Variants in ADRA1A observed in about 807,000 individuals in gnomAD.
The protein encoded by ADRA1A is alpha-1A adrenergic receptor.
Under a neutral mutation model 29.6 loss-of-function variants are expected in ADRA1A, and 31 were observed. That is an observed-to-expected ratio of 1.05 (90% CI 0.79 to 1.41). The LOEUF is 1.41. Among genes scored for constraint, ADRA1A ranks in the 40% most tolerant of loss-of-function variants. ADRA1A has a pLI of 0.00. For missense variants in ADRA1A, 619 were observed against 601.1 expected, an observed-to-expected ratio of 1.03 and a Z score of -0.31; for synonymous variants, 311 against 254.3, an observed-to-expected ratio of 1.22 and a Z score of -2.12.
At chr8:26,862,933 A>C (rs1220651001) in intron 2 of ADRA1A, among the ~76,000 whole-genome samples, 1 of 152,234 alleles carries the variant, frequency 6.6e-6, no homozygotes, top group Non-Finnish European at 1.5e-5. Flanking sequence ...TTGTGATTGC[A>C]GGATAATTGT....
At chr8:26,750,353 C>T (rs1467482255) in intron 2 of ADRA1A, among the ~76,000 whole-genome samples, 1 of 152,156 alleles carries the variant, frequency 6.6e-6, no homozygotes, top group East Asian at 1.9e-4. Context: ...AGACATGTGC[C>T]ACCATGCCCA....
chr8:26,816,265 G>T (rs775801293), intron 2 of ADRA1A, among the ~76,000 whole-genome samples: 1 of 152,188 alleles, frequency 6.6e-6, no homozygotes, highest in East Asian at 1.9e-4. Context: ...ACTGAAACTG[G>T]GGAAGGGCAT....
Position 26,825,661 on chromosome 8 carries a change from T to C in ADRA1A, c.883+38426A>G, listed in dbSNP as rs1196953586. Among the ~76,000 whole-genome samples, 12 of 152,232 alleles carry C rather than the reference T, an allele frequency of 7.9e-5. No homozygotes were observed. On this transcript the variant is annotated intron_variant, in intron 2 of 2. Transcript: ENST00000380573. The surrounding 1 kb of genome is among the most constrained non-coding windows in gnomAD (Gnocchi z 5.7). ...TATGTCAGCCTTCACAGAGCAACTG[T>C]CATTCTTTAGGAAAAATCAAAATTT...
At chr8:26,772,261 C>T (rs1179343632) in intron 2 of ADRA1A, 1 of 152,146 alleles carries the variant, frequency 6.6e-6, no homozygotes, top group African/African-American at 2.4e-5. Context: ...ATGGGACTCC[C>T]AATCCAATGT....
chr8:26,854,924 G>T (rs1301764760), intron 2 of ADRA1A, among the ~76,000 whole-genome samples: 1 of 152,126 alleles, frequency 6.6e-6, no homozygotes, highest in African/African-American at 2.4e-5. Flanking sequence ...CCAGGGAGCT[G>T]CCTCACTCCT....
intron 2 of ADRA1A, among the ~76,000 whole-genome samples, chr8:26,781,630 G>A (rs1195161284): frequency 6.6e-6 from 1 of 152,202 alleles, no homozygotes; most frequent in African/African-American, 2.4e-5. Context: ...CTAAGTTGCA[G>A]GCACTTCATA....
chr8:26,853,132 A>G (rs893426749), intron 2 of ADRA1A, among the ~76,000 whole-genome samples: 4 of 152,204 alleles, frequency 2.6e-5, no homozygotes, highest in African/African-American at 7.2e-5. Context: ...AAAAATGCAA[A>G]CAAATTAAAA....
In ADRA1A at chr8:26,864,239, C is replaced by T. The variant is rs765293217; in HGVS notation, c.731G>A (p.Gly244Glu). 16 of 1,614,098 alleles carry T rather than the reference C, an allele frequency of 9.9e-6. No individual in the cohort carries two copies. The highest frequency in any genetic ancestry group is 1.3e-5 in the African/African-American group (1 of 74,952). ...CTTGGCGCTGGCCATCCCGCTGCCT[C>T]CTGCCGGGGCGTTTTTCCGATGGAT... ...LRIHRKNAPA[G>E]GSGMASAKTK... Residue 244 changes from glycine to glutamate, a missense_variant, in exon 2 of 3, where the codon GGA (glycine) becomes GAA (glutamate). Coordinates refer to ENST00000380573, the MANE Select transcript of ADRA1A (RefSeq NM_000680.4). The surrounding 1 kb of genome is among the most constrained non-coding windows in gnomAD (Gnocchi z 8.1).
Position 26,770,297 on chromosome 8 carries a change from G to T in ADRA1A, c.1253C>A (p.Ser418Tyr). ...ARITVSKDQS[S>Y]CTTARVRSKS... is the part of the protein sequence containing the mutation. ...ACTTCTCACCCGGGCTGTGGTACAG[G>T]AGGATTGGTCTTTGGACACTGTAAT... Residue 418 changes from serine to tyrosine, a missense_variant, in exon 3 of 3, where the codon TCC becomes TAC. Coordinates refer to ENST00000380573, the MANE Select transcript of ADRA1A (RefSeq NM_000680.4). The T allele has an allele frequency of 6.2e-7, 1 of 1,614,220 alleles. No individual in the cohort carries two copies. The highest frequency in any genetic ancestry group is 8.5e-7 in the Non-Finnish European group (1 of 1,180,040).
downstream of ADRA1A, among the ~76,000 whole-genome samples, chr8:26,761,081 G>A (rs994892437): frequency 6.6e-6 from 1 of 152,200 alleles, no homozygotes; most frequent in Non-Finnish European, 1.5e-5. Flanking sequence ...TGCCATCCAG[G>A]AGTTCTCCTC....
At chr8:26,807,095 C>G (rs370828574) in intron 2 of ADRA1A, among the ~76,000 whole-genome samples, 1 of 152,168 alleles carries the variant, frequency 6.6e-6, no homozygotes, top group South Asian at 2.1e-4. Flanking sequence ...CAAAAAGAAG[C>G]CTTGTAATAC....
chr8:26,862,932 C>A (rs10503801), intron 2 of ADRA1A, among the ~76,000 whole-genome samples: 8,055 of 152,198 alleles, frequency 0.053, 221 homozygotes, highest in Middle Eastern at 0.1. Flanking sequence ...CTTGTGATTG[C>A]AGGATAATTG....
intron 2 of ADRA1A, 98 bp from the exon 3 acceptor site, chr8:26,770,764 C>G: frequency 6.9e-7 from 1 of 1,455,400 alleles, no homozygotes; most frequent in Non-Finnish European, 9.0e-7. Flanking sequence ...TATTTTTAAA[C>G]GGTTAAAATG....
chr8:26,782,351 A>G (rs939968301), intron 2 of ADRA1A, among the ~76,000 whole-genome samples: 1 of 152,242 alleles, frequency 6.6e-6, no homozygotes, highest in South Asian at 2.1e-4. Flanking sequence ...CATTTAAAAC[A>G]TGCAGGATGT....
intron 2 of ADRA1A, among the ~76,000 whole-genome samples, chr8:26,800,851 T>A (rs1808524198): frequency 6.6e-6 from 1 of 152,146 alleles, no homozygotes; most frequent in Non-Finnish European, 1.5e-5. Flanking sequence ...ATAATATCTC[T>A]GATGACCATT....
intron 2 of ADRA1A, among the ~76,000 whole-genome samples, chr8:26,856,184 G>A (rs1249495079): frequency 6.6e-6 from 1 of 152,184 alleles, no homozygotes; most frequent in Non-Finnish European, 1.5e-5. Context: ...TCACGAGAAA[G>A]CTTTTCTCAT....
chr8:26,794,571 T>C (rs1440972406), intron 2 of ADRA1A, among the ~76,000 whole-genome samples: 1 of 152,130 alleles, frequency 6.6e-6, no homozygotes, highest in Admixed American at 6.6e-5. Context: ...AAAACTTTAT[T>C]TGTGAACACT....
rs932999868 is a variant in ADRA1A, at chr8:26,769,611, A to G, written c.*538T>C. ...TCCCTCAAGCTGAGAAATTGGATGT[A>G]TCAGAAAGGGTGGAGTTTCAGGACT... On this transcript the variant is annotated 3_prime_UTR_variant, in exon 3 of 3. Transcript: ENST00000380573. 1.0e-6 allele frequency: 1 copy of G among 985,506 alleles called. No homozygotes were observed. Among genetic ancestry groups the G allele is most frequent in the African/African-American group, 1.7e-5 (1 of 57,262 alleles). The allele number at this position is 985,506 out of a possible 1,614,324, so 61.0% of individuals were successfully genotyped here.
Position 26,858,969 on chromosome 8 carries a change from A to C in ADRA1A, c.883+5118T>G, listed in dbSNP as rs894297324. 2.0e-5 allele frequency: 21 copies of C among 1,068,776 alleles called. No individual in the cohort carries two copies. In the East Asian group the frequency reaches 1.4e-3, roughly 71 times the overall value. 66.2% of individuals were successfully genotyped at this position (1,068,776 alleles called of 1,614,324 possible). A position where few individuals can be genotyped will look rare whatever the true frequency, so the allele number is the denominator to read the frequency against. On this transcript the variant is annotated intron_variant, in intron 2 of 2. Coordinates refer to ENST00000380573, the MANE Select transcript of ADRA1A (RefSeq NM_000680.4). ...GCCTTAGTGGAAAGAAGCTTGGGAA[A>C]AGGGAACGTGAGACTTCTCACAATA...
Sources: gnomAD v4.1 joint callset for allele counts (sites outside exome capture counted in the v4.1 genomes callset) on GRCh38, gnomAD v4.1.1 for gene constraint, Gnocchi (gnomAD v3.1) non-coding constraint, MANE v1.5 for transcripts, NCBI Gene and HGNC (gene_info 2026-07-23, HGNC 2026-07-21) for gene names.